The following BCAS4 variants were observed in gnomAD, a reference collection of about 807,000 sequenced individuals.
BCAS4 encodes the protein breast carcinoma-amplified sequence 4.
A neutral mutation model predicts 15.7 loss-of-function variants in BCAS4; 9 were observed. That is an observed-to-expected ratio of 0.57 (90% confidence interval 0.34 to 1.00). The LOEUF (loss-of-function observed/expected upper bound fraction) is 1.00, where lower values mean the gene tolerates loss of function less well. Among genes scored for constraint, BCAS4 ranks in the 50% least tolerant of loss-of-function variants. The probability of loss-of-function intolerance (pLI) is 0.02; values close to 1 mark genes in which losing one functional copy is unlikely to be tolerated. For synonymous variants in BCAS4, 101 were observed against 99.5 expected (o/e 1.02, Z -0.09); for missense variants, 225 against 239.1 (o/e 0.94, Z 0.39).
At chr20:50,806,859 A>G (rs994592728) in intron 1 of BCAS4, among the ~76,000 whole-genome samples, 11 of 127,476 alleles carry the variant, frequency 8.6e-5, no homozygotes, top group Non-Finnish European at 1.5e-4. Context: ...CAGTCCATTT[A>G]TACTTTTTTT....
chr20:50,800,492 G>A (rs188222019), intron 1 of BCAS4, among the ~76,000 whole-genome samples: 1 of 150,652 alleles, frequency 6.6e-6, no homozygotes, highest in African/African-American at 2.4e-5. Flanking sequence ...GTGAGTTACT[G>A]TTTCCAGGGC....
In BCAS4 at chr20:50,796,296, G is replaced by T. The variant is rs905413607; in HGVS notation, c.90+1123G>T. Reference sequence around the variant, plus strand: ...AGGCAGGAGGATCGCTTGAACCTGGGAGGCGGAGGCTGCAGTGAGCTGAGA... The same window carrying T: ...AGGCAGGAGGATCGCTTGAACCTGGTAGGCGGAGGCTGCAGTGAGCTGAGA... On this transcript the variant is annotated intron_variant, in intron 1 of 4. Coordinates refer to ENST00000371608, the MANE Select transcript of BCAS4 (RefSeq NM_198799.4). 3.5e-5 allele frequency among the ~76,000 whole-genome samples: 5 copies of T among 144,884 alleles called. No individual in the cohort carries two copies. In the Admixed American group the frequency reaches 3.5e-4, roughly 10 times the overall value.
chr20:50,876,389 G>T lies in BCAS4; in HGVS notation c.400-97G>T, dbSNP rs1321004388. On this transcript the variant is annotated intron_variant, in intron 4 of 4. Coordinates refer to ENST00000371608, the MANE Select transcript of BCAS4 (RefSeq NM_198799.4). ...GAGCTCAGAGTCTTTGGTCATATGT[G>T]TGAGTCCTGCAGGATGAACTTGTAG... is the stretch of plus-strand genomic sequence containing the variant. The T allele has an allele frequency of 3.3e-6, 5 of 1,508,380 alleles. No homozygotes were observed. The South Asian group carries it at 3.7e-5, about 11-fold the overall frequency. 93.4% of individuals were successfully genotyped at this position (1,508,380 alleles called of 1,614,324 possible). A position where few individuals can be genotyped will look rare whatever the true frequency, so the allele number is the denominator to read the frequency against.
intron 4 of BCAS4, among the ~76,000 whole-genome samples, chr20:50,852,028 C>A (rs1025335445): frequency 6.6e-6 from 1 of 152,232 alleles, no homozygotes; most frequent in African/African-American, 2.4e-5. Flanking sequence ...TCTGGGCTGT[C>A]TTTGGGCCAC....
chr20:50,869,146 G>C (rs1295822891), intron 4 of BCAS4, among the ~76,000 whole-genome samples: 1 of 152,256 alleles, frequency 6.6e-6, no homozygotes, highest in African/African-American at 2.4e-5. Flanking sequence ...GCCTTAAAGA[G>C]TGCTGTGAGG....
chr20:50,811,169 T>C (rs922092725), intron 1 of BCAS4, among the ~76,000 whole-genome samples: 26 of 151,656 alleles, frequency 1.7e-4, no homozygotes, highest in Non-Finnish European at 2.9e-4. Flanking sequence ...AGGCCCCCAT[T>C]AGGTGTTTTC....
chr20:50,841,421 C>T (rs2088479838), intron 3 of BCAS4, among the ~76,000 whole-genome samples: 3 of 119,848 alleles, frequency 2.5e-5, no homozygotes. Context: ...ATGAATGTGC[C>T]CTGAGACCCC....
chr20:50,830,653 C>T (rs1024064239), intron 3 of BCAS4, among the ~76,000 whole-genome samples: 2 of 152,146 alleles, frequency 1.3e-5, no homozygotes, highest in South Asian at 2.1e-4. Flanking sequence ...AGTTTGAGAC[C>T]AGCCTGGGCA....
At chr20:50,842,780 T>C (rs565194828) in intron 4 of BCAS4, among the ~76,000 whole-genome samples, 10 of 152,318 alleles carry the variant, frequency 6.6e-5, no homozygotes, top group African/African-American at 2.4e-4. Context: ...GGGACTTGTC[T>C]GAGGCCACGG....
chr20:50,814,237 C>A (rs2088109632), intron 1 of BCAS4, among the ~76,000 whole-genome samples: 1 of 152,174 alleles, frequency 6.6e-6, no homozygotes, highest in Non-Finnish European at 1.5e-5. Flanking sequence ...AGGTGGGGGA[C>A]TGACCATAGC....
chr20:50,806,022 A>G (rs926177469), intron 1 of BCAS4, among the ~76,000 whole-genome samples: 4 of 151,954 alleles, frequency 2.6e-5, no homozygotes, highest in African/African-American at 9.7e-5. Flanking sequence ...AGTTTGCAGA[A>G]AGCAGTATTC....
chr20:50,845,008 G>T (rs2088526459), intron 4 of BCAS4, among the ~76,000 whole-genome samples: 1 of 152,160 alleles, frequency 6.6e-6, no homozygotes, highest in South Asian at 2.1e-4. Flanking sequence ...CAGGGCTGTG[G>T]CTGCTCCAGG....
Position 50,798,701 on chromosome 20 carries a change from G to A in BCAS4, c.90+3528G>A, listed in dbSNP as rs1051012922. Among the ~76,000 whole-genome samples, 6 of 152,112 alleles carry A rather than the reference G, an allele frequency of 3.9e-5. No individual in the cohort carries two copies. The East Asian group carries it at 9.6e-4, about 24-fold the overall frequency. On this transcript the variant is annotated intron_variant, in intron 1 of 4. Coordinates refer to ENST00000371608, the MANE Select transcript of BCAS4 (RefSeq NM_198799.4). ...GAAGTGTTCAGTAGTCCCATGAGAC[G>A]CGTGGCTGCCATGTTGGAGAGCCTA... is the stretch of plus-strand genomic sequence containing the variant.
chr20:50,812,253 C>CT lies in BCAS4; in HGVS notation c.91-5957dup, dbSNP rs1467684243. Among the ~76,000 whole-genome samples the CT allele has an allele frequency of 5.3e-5, 8 of 151,710 alleles. No individual in the cohort carries two copies. The South Asian group carries it at 1.0e-3, about 20-fold the overall frequency. ...GTTCACGCCATTCTCCTGCCTCAGCCTCCCGAGTAGCTGGGACTACAGGCG... is the reference window on the plus strand; with the variant it reads ...GTTCACGCCATTCTCCTGCCTCAGCCTTCCCGAGTAGCTGGGACTACAGGCG... On this transcript the variant is annotated intron_variant, in intron 1 of 4. Transcript: ENST00000371608.
chr20:50,804,563 T>A (rs958896444), intron 1 of BCAS4, among the ~76,000 whole-genome samples: 2 of 152,234 alleles, frequency 1.3e-5, no homozygotes, highest in Non-Finnish European at 2.9e-5. Context: ...TATGCAAATA[T>A]GTAGGATAAA....
At chr20:50,852,983 G>T (rs1453104221) in intron 4 of BCAS4, among the ~76,000 whole-genome samples, 2 of 152,102 alleles carry the variant, frequency 1.3e-5, no homozygotes, top group Admixed American at 6.5e-5. Context: ...TTTGCAAAAG[G>T]GGTTCTGGGT....
chr20:50,802,296 C>T (rs754792996), intron 1 of BCAS4, among the ~76,000 whole-genome samples: 7 of 152,178 alleles, frequency 4.6e-5, no homozygotes, highest in Admixed American at 2.0e-4. Context: ...ACGGATGCTG[C>T]GCCATCCAGG....
chr20:50,857,163 C>T (rs981791135), intron 4 of BCAS4, among the ~76,000 whole-genome samples: 1 of 152,168 alleles, frequency 6.6e-6, no homozygotes, highest in Non-Finnish European at 1.5e-5. Context: ...CAGAGTTTCG[C>T]TCTTGTTGCC....
chr20:50,882,492 T>C, the BCAS4 span: 7 of 152,222 alleles, frequency 4.6e-5, no homozygotes, highest in African/African-American at 1.7e-4. Flanking sequence ...TATGCTATTA[T>C]CTATGTGAAA....
Sources: allele counts gnomAD v4.1 joint callset (sites outside exome capture counted in the v4.1 genomes callset), GRCh38; gene constraint gnomAD v4.1.1; transcripts MANE v1.5; gene names NCBI Gene and HGNC (gene_info 2026-07-23, HGNC 2026-07-21).